The following TRIOBP variants were observed in gnomAD, a reference collection of about 807,000 sequenced individuals.
TRIOBP encodes the protein TRIO and F-actin-binding protein.
In TRIOBP, 169 loss-of-function variants were observed where a neutral mutation model predicts 238.8. The ratio of observed to expected loss-of-function variants is 0.71; its 90% CI spans 0.62 to 0.80. The LOEUF (loss-of-function observed/expected upper bound fraction) is 0.80. Among genes scored for constraint, TRIOBP ranks in the 30% least tolerant of loss-of-function variants. The probability of loss-of-function intolerance (pLI) is 0.00; values close to 1 mark genes in which losing one functional copy is unlikely to be tolerated. For missense variants in TRIOBP, 2,838 were observed against 3,122.6 expected (o/e 0.91, Z 2.17); for synonymous variants, 1,150 against 1,274.4 (o/e 0.90, Z 2.08).
rs1208888616 is a variant in TRIOBP at position 37,776,514 on chromosome 22, CTG to C, written c.*2740_*2741del. 6.6e-6 allele frequency: 1 copy of C among 152,192 alleles called. No individual in the cohort carries two copies. Among genetic ancestry groups the C allele is most frequent in the Non-Finnish European group, 1.5e-5 (1 of 68,042 alleles). 9.4% of individuals were successfully genotyped at this position (152,192 alleles called of 1,614,324 possible). A position where few individuals can be genotyped will look rare whatever the true frequency, so the allele number is the denominator to read the frequency against. ...TCACATCAGCAAATAAACAATACAG[CTG>C]TGTGTCAGTAGTAGAATGAATAAAT... On this transcript the variant is annotated 3_prime_UTR_variant, in exon 24 of 24. Coordinates refer to ENST00000644935, the MANE Select transcript of TRIOBP (RefSeq NM_001039141.3).
At chr22:37,746,937 C>A (rs1298208485) in intron 11 of TRIOBP, among the ~76,000 whole-genome samples, 1 of 152,156 alleles carries the variant, frequency 6.6e-6, no homozygotes, top group African/African-American at 2.4e-5. Flanking sequence ...GGCCGGACCG[C>A]CCCACCCACA....
chr22:37,769,620 A>G (rs539900680), intron 21 of TRIOBP, among the ~76,000 whole-genome samples: 2 of 152,388 alleles, frequency 1.3e-5, no homozygotes, highest in Admixed American at 1.3e-4. Flanking sequence ...GAGTCCCAGT[A>G]GCTCATCTGT....
rs1372354589 is a variant in TRIOBP, at chr22:37,726,427, G to T, written c.3871G>T (p.Ala1291Ser). The T allele has an allele frequency of 3.2e-6, 5 of 1,586,676 alleles. No homozygotes were observed. The Admixed American group carries it at 8.9e-5, about 28-fold the overall frequency. ...GGCCCAGAGACAGCCAGGGCCCCAG[G>T]CGCAGTGCAGCAGCGGGGGCCGCAC... ...RLAQRQPGPQ[A>S]QCSSGGRTHS... The change falls in exon 7 of 24, where the codon GCG becomes TCG. Residue 1291 changes from alanine (A) to serine (S), a missense_variant. Ala to Ser is a moderately conservative substitution (Grantham distance 99). This residue lies in a region of TRIOBP where 2,096 missense variants were observed against 2,137.4 expected (regional missense o/e 0.98). Transcript: ENST00000644935.
chr22:37,731,227 T>A (rs1013274339), intron 7 of TRIOBP, among the ~76,000 whole-genome samples: 11 of 151,650 alleles, frequency 7.3e-5, no homozygotes, highest in African/African-American at 2.7e-4. Context: ...AGCCTCAACC[T>A]CCCAGGCTGA....
Position 37,715,897 on chromosome 22 carries a change from C to G in TRIOBP, c.591C>G (p.Ser197=). The G allele has an allele frequency of 6.2e-7, 1 of 1,613,482 alleles. No homozygotes were observed. The highest frequency in any genetic ancestry group is 1.7e-5 in the Admixed American group (1 of 60,002). ...GGGCTCCGTCTCTCCTCACCAGGTC[C>G]CCTGTGGGAGGAGATGCTGCAGGCC... ...SQRAPSLLTR[S]PVGGDAAGQK... The change falls in exon 6 of 24, where the codon TCC becomes TCG. Residue 197 remains serine, a synonymous_variant. Coordinates refer to ENST00000644935, the MANE Select transcript of TRIOBP (RefSeq NM_001039141.3).
At chr22:37,751,857 A>G in intron 12 of TRIOBP, 29 bp downstream of exon 12, 1 of 1,497,970 alleles carries the variant, frequency 6.7e-7, no homozygotes, top group Middle Eastern at 1.8e-4. Flanking sequence ...GAGGGGAGGA[A>G]GCTGGCTTGT....
At chr22:37,701,522 G>A (rs200443445) in intron 3 of TRIOBP, 43 bp downstream of exon 3, 55 of 1,437,798 alleles carry the variant, frequency 3.8e-5, no homozygotes, top group Non-Finnish European at 5.0e-5. Context: ...TGTGATGGGG[G>A]CATGGGTGAA....
chr22:37,737,486 C>T (rs1924728376), intron 9 of TRIOBP, among the ~76,000 whole-genome samples: 1 of 151,834 alleles, frequency 6.6e-6, no homozygotes, highest in Non-Finnish European at 1.5e-5. Flanking sequence ...ACGGTGGAAC[C>T]CCGTCTCTAC....
chr22:37,723,899 G>A lies in TRIOBP; in HGVS notation c.1343G>A (p.Arg448Gln), dbSNP rs746797811. Reference sequence around the variant, plus strand: ...GCCTCCTCTCCCAGTAGAGCTACACGAGACAACCCCACAACATCCTGTGCC... The same window carrying A: ...GCCTCCTCTCCCAGTAGAGCTACACAAGACAACCCCACAACATCCTGTGCC... The part of the protein sequence containing the change: ...PRASSPSRAT[R>Q]DNPTTSCAQR... The change falls in exon 7 of 24, where the codon CGA becomes CAA. Residue 448 changes from arginine (R) to glutamine (Q), a missense_variant. Around this residue, in one of 5 missense-constraint regions of TRIOBP, gnomAD observed 26 missense variants for 49.3 expected, o/e 0.53. Transcript: ENST00000644935. 17 of 1,578,182 alleles carry A rather than the reference G, an allele frequency of 1.1e-5. No homozygotes were observed. Among genetic ancestry groups the A allele is most frequent in the South Asian group, 6.7e-5 (6 of 89,384 alleles).
At chr22:37,730,946 C>CA (rs11316099) in intron 7 of TRIOBP, among the ~76,000 whole-genome samples, 1,174 of 83,714 alleles carry the variant, frequency 0.014, 13 homozygotes, top group African/African-American at 0.039. Context: ...GACTCCATCT[C>CA]AAAAAAAAAA....
Position 37,776,549 on chromosome 22 carries a change from G to A in TRIOBP, c.*2769G>A, listed in dbSNP as rs950141232. 2.6e-4 allele frequency: 39 copies of A among 152,112 alleles called. No individual in the cohort carries two copies. The highest frequency in any genetic ancestry group is 9.4e-4 in the African/African-American group (39 of 41,424). 9.4% of individuals were successfully genotyped at this position (152,112 alleles called of 1,614,324 possible). ...GTAGTAGAATGAATAAATTGTGGTC[G>A]ATTCATACGTTAGAATACAGCAATT... On this transcript the variant is annotated 3_prime_UTR_variant, in exon 24 of 24. Coordinates refer to ENST00000644935, the MANE Select transcript of TRIOBP (RefSeq NM_001039141.3).
chr22:37,746,399 G>A, intron 11 of TRIOBP: 1 of 1,409,710 alleles, frequency 7.1e-7, no homozygotes, highest in East Asian at 3.1e-5. Context: ...TGCTCCCGCC[G>A]CCCTGGGGCG....
intron 5 of TRIOBP, among the ~76,000 whole-genome samples, chr22:37,714,418 C>T (rs1335496178): frequency 6.6e-6 from 1 of 152,190 alleles, no homozygotes; most frequent in Non-Finnish European, 1.5e-5. Flanking sequence ...CCTGTAATCC[C>T]AGCACTTTGG....
In TRIOBP at chr22:37,701,197, G is replaced by A. The variant is rs1028590682; in HGVS notation, c.-60-109G>A. 4 of 563,612 alleles carry A rather than the reference G, an allele frequency of 7.1e-6. No individual in the cohort carries two copies. The Admixed American group carries it at 7.6e-5, about 11-fold the overall frequency. 34.9% of individuals were successfully genotyped at this position (563,612 alleles called of 1,614,324 possible). A position where few individuals can be genotyped will look rare whatever the true frequency, so the allele number is the denominator to read the frequency against. ...AACAGGAACCCAAAGGAATGGATGAGTAACCTTATTTCCTTGGTCCTTGTC... is the reference window on the plus strand; with the variant it reads ...AACAGGAACCCAAAGGAATGGATGAATAACCTTATTTCCTTGGTCCTTGTC... On this transcript the variant is annotated intron_variant, in intron 2 of 23. Transcript: ENST00000644935.
rs776531261 is a variant in TRIOBP, at chr22:37,715,863, G to A, written c.557G>A (p.Ser186Asn). The change falls in exon 6 of 24, where the codon AGC becomes AAC. Residue 186 changes from serine to asparagine, a missense_variant. By Grantham distance (46) the Ser-to-Asn change is conservative (BLOSUM62 1). This residue lies in a region of TRIOBP where 535 missense variants were observed against 537.3 expected (regional missense o/e 1.00). Transcript: ENST00000644935. ...RRPREGPRAD[S>N]SQRAPSLLTR... is the part of the protein sequence containing the mutation. ...CCTCGGGAGGGGCCGAGAGCTGACAGCTCCCAAAGGGCTCCGTCTCTCCTC... is the reference window on the plus strand; with the variant it reads ...CCTCGGGAGGGGCCGAGAGCTGACAACTCCCAAAGGGCTCCGTCTCTCCTC... 11 of 1,613,816 alleles carry A rather than the reference G, an allele frequency of 6.8e-6. No individual in the cohort carries two copies. Among genetic ancestry groups the A allele is most frequent in the Non-Finnish European group, 8.5e-7 (1 of 1,179,972 alleles).
chr22:37,701,035 G>A (rs1382035804), intron 2 of TRIOBP, among the ~76,000 whole-genome samples: 1 of 152,194 alleles, frequency 6.6e-6, no homozygotes, highest in East Asian at 1.9e-4. Context: ...GTGTAATGCA[G>A]AGTCCTTGGC....
chr22:37,763,800 A>T (rs1401253286), intron 17 of TRIOBP, among the ~76,000 whole-genome samples: 1 of 152,112 alleles, frequency 6.6e-6, no homozygotes, highest in African/African-American at 2.4e-5. Context: ...AATAATGCAC[A>T]TGTATTACCT....
chr22:37,710,325 G>A, intron 3 of TRIOBP, 102 bp from the exon 4 acceptor site: 1 of 1,539,708 alleles, frequency 6.5e-7, no homozygotes, highest in East Asian at 2.3e-5. Context: ...GATCCCCCGA[G>A]GAGATGCCTG....
intron 17 of TRIOBP, among the ~76,000 whole-genome samples, chr22:37,764,936 C>T (rs1426082034): frequency 6.6e-6 from 1 of 152,162 alleles, no homozygotes; most frequent in African/African-American, 2.4e-5. Flanking sequence ...CTAGGAGAGA[C>T]ATTTAAACTG....
Sources: allele counts gnomAD v4.1 joint callset (sites outside exome capture counted in the v4.1 genomes callset), GRCh38; gene constraint gnomAD v4.1.1; regional missense constraint gnomAD v4.1.1; transcripts MANE v1.5; gene names NCBI Gene and HGNC (gene_info 2026-07-23, HGNC 2026-07-21).